PHF24: variants seen among roughly 807,000 people sequenced by gnomAD.
PHF24 encodes PHD finger protein 24, also known as Galpha inhibitory interacting protein.
PHF24 carries 25 observed loss-of-function variants against 42.6 expected under a neutral mutation model. The observed-to-expected ratio is 0.59, with a 90% CI of 0.43 to 0.82. The LOEUF (loss-of-function observed/expected upper bound fraction) is 0.82. Ranked by LOEUF, PHF24 falls within the 40% of genes least tolerant of loss-of-function variation. PHF24 has a pLI of 0.00. For missense variants in PHF24, 470 were observed against 538.1 expected (o/e 0.87, Z 1.25); for synonymous variants, 185 against 204.8 (o/e 0.90, Z 0.83).
At chr9:34,720,387 G>T in the PHF24 span, among the ~76,000 whole-genome samples, 1 of 150,964 alleles carries the variant, frequency 6.6e-6, no homozygotes, top group African/African-American at 2.4e-5. Context: ...GGAGCTTGCA[G>T]TGAGCCGAGA....
At chr9:34,776,985 A>T in the PHF24 span, among the ~76,000 whole-genome samples, 1 of 152,252 alleles carries the variant, frequency 6.6e-6, no homozygotes, top group Non-Finnish European at 1.5e-5. Flanking sequence ...GGCTGTAAAC[A>T]GCATCAGTGG....
chr9:34,966,632 T>C (rs1826781546), intron 1 of PHF24, among the ~76,000 whole-genome samples: 2 of 152,142 alleles, frequency 1.3e-5, no homozygotes, highest in Non-Finnish European at 2.9e-5. Context: ...TTTTTCTCTT[T>C]TTTAATAGCA....
At chr9:34,886,009 G>T in the PHF24 span, among the ~76,000 whole-genome samples, 6 of 151,900 alleles carry the variant, frequency 3.9e-5, no homozygotes, top group African/African-American at 1.4e-4. Context: ...TCCCTTATAT[G>T]TGGAGGAATT....
the PHF24 span, among the ~76,000 whole-genome samples, chr9:34,742,467 G>A: frequency 3.1e-4 from 47 of 152,256 alleles, no homozygotes; most frequent in Admixed American, 1.6e-3. Flanking sequence ...CAGTACCATC[G>A]CTGCAGGCCC....
At chr9:34,828,935 A>G in the PHF24 span, among the ~76,000 whole-genome samples, 1 of 151,844 alleles carries the variant, frequency 6.6e-6, no homozygotes, top group African/African-American at 2.4e-5. Flanking sequence ...ATCTATATCT[A>G]TATCTATATC....
At chr9:34,832,695 T>C in the PHF24 span, 1 of 1,544,434 alleles carries the variant, frequency 6.5e-7, no homozygotes, top group South Asian at 1.2e-5. Flanking sequence ...AAGGCTGGGC[T>C]TCTTTTGAGT....
chr9:34,928,382 A>G, the PHF24 span, among the ~76,000 whole-genome samples: 3 of 152,210 alleles, frequency 2.0e-5, no homozygotes, highest in Non-Finnish European at 2.9e-5. Flanking sequence ...TGTGATTATT[A>G]TGCATTGCTT....
chr9:34,860,425 A>C, the PHF24 span, among the ~76,000 whole-genome samples: 1 of 152,138 alleles, frequency 6.6e-6, no homozygotes, highest in African/African-American at 2.4e-5. Flanking sequence ...TTTACTTTTA[A>C]TGGCAAAAAC....
the PHF24 span, among the ~76,000 whole-genome samples, chr9:34,897,728 G>GAGTA: frequency 2.0e-5 from 3 of 152,148 alleles, no homozygotes; most frequent in Non-Finnish European, 2.9e-5. Context: ...TTGGTTACAT[G>GAGTA]AGTAAGTTCT....
At chr9:34,955,043 C>T (rs560653728), upstream of PHF24, among the ~76,000 whole-genome samples, 32 of 152,320 alleles carry the variant, frequency 2.1e-4, no homozygotes, top group Non-Finnish European at 4.3e-4. Context: ...AGCACAGCTT[C>T]GCTGCTGGAG....
At chr9:34,976,226 C>A (rs1381596530) in exon 4 of PHF24, 1 of 1,613,528 alleles carries the variant, frequency 6.2e-7, no homozygotes, top group South Asian at 1.1e-5. Context: ...GTAAAGTCAT[C>A]CCTGGTAAGG....
chr9:34,963,063 G>A (rs1436186622), intron 1 of PHF24, among the ~76,000 whole-genome samples: 1 of 152,158 alleles, frequency 6.6e-6, no homozygotes, highest in African/African-American at 2.4e-5. Context: ...AGACCTTTCA[G>A]GGTCTACAAA....
chr9:34,960,523 A>G (rs1181498778), intron 1 of PHF24, among the ~76,000 whole-genome samples: 1 of 152,212 alleles, frequency 6.6e-6, no homozygotes, highest in African/African-American at 2.4e-5. Flanking sequence ...TGATCAGCTT[A>G]ACAGATCAGA....
the PHF24 span, among the ~76,000 whole-genome samples, chr9:34,921,356 CA>C: frequency 9.5e-4 from 134 of 141,542 alleles, no homozygotes; most frequent in Middle Eastern, 3.7e-3. Context: ...AGGCAAGTAT[CA>C]AAAAAAAAAA....
At chr9:34,940,263 T>A in the PHF24 span, among the ~76,000 whole-genome samples, 45 of 151,954 alleles carry the variant, frequency 3.0e-4, no homozygotes, top group African/African-American at 1.1e-3. Flanking sequence ...AGACACACAA[T>A]TCTCCCTCCC....
At chr9:34,958,060 G>A (rs1046096312), upstream of PHF24, among the ~76,000 whole-genome samples, 127 of 150,098 alleles carry the variant, frequency 8.5e-4, no homozygotes, top group African/African-American at 2.8e-3. The surrounding 1 kb of genome is among the most constrained non-coding windows in gnomAD (Gnocchi z 4.5). Flanking sequence ...CCCCACGCCC[G>A]CGCGCCCGTC....
chr9:34,937,492 C>A, the PHF24 span, among the ~76,000 whole-genome samples: 1 of 152,100 alleles, frequency 6.6e-6, no homozygotes, highest in East Asian at 1.9e-4. Flanking sequence ...ATCTCAAGTA[C>A]CCAGGGACAC....
chr9:34,665,859 T>G, the PHF24 span: 2 of 590,248 alleles, frequency 3.4e-6, no homozygotes, highest in Middle Eastern at 9.0e-4. Context: ...AGTTAAGGGG[T>G]GAGGAGGCCG....
chr9:34,978,233 T>C, exon 8 of PHF24: 1 of 708,982 alleles, frequency 1.4e-6, no homozygotes, highest in East Asian at 2.6e-5. Flanking sequence ...GCGTCTTAAC[T>C]TGTCACTAAG....
Sources: allele counts gnomAD v4.1 joint callset (sites outside exome capture counted in the v4.1 genomes callset), GRCh38; gene constraint gnomAD v4.1.1; non-coding constraint Gnocchi (gnomAD v3.1); transcripts MANE v1.5; gene names NCBI Gene and HGNC (gene_info 2026-07-23, HGNC 2026-07-21).